The following MAJIN variants were observed in gnomAD, a reference collection of about 807,000 sequenced individuals.
MAJIN encodes membrane anchored junction protein.
Under a neutral mutation model 30.2 loss-of-function variants are expected in MAJIN, and 27 were observed. The ratio of observed to expected loss-of-function variants is 0.89; its 90% CI spans 0.66 to 1.23. MAJIN has a LOEUF of 1.23. Among genes scored for constraint, MAJIN ranks in the 50% most tolerant of loss-of-function variants. MAJIN has a pLI of 0.00. For synonymous variants in MAJIN, 78 were observed against 91.6 expected, an observed-to-expected ratio of 0.85 and a Z score of 0.85; for missense variants, 253 against 260.3, an observed-to-expected ratio of 0.97 and a Z score of 0.19.
At chr11:64,970,469 C>T (rs1478000648) in intron 1 of MAJIN, among the ~76,000 whole-genome samples, 6 of 137,414 alleles carry the variant, frequency 4.4e-5, no homozygotes, top group East Asian at 2.2e-4. Context: ...TGGGTTCAAG[C>T]GATTCTCCTG....
At chr11:64,949,431 G>A (rs1441812456) in intron 6 of MAJIN, among the ~76,000 whole-genome samples, 1 of 152,168 alleles carries the variant, frequency 6.6e-6, no homozygotes, top group African/African-American at 2.4e-5. Flanking sequence ...CTTTCATTCA[G>A]TGATTAAGTC....
chr11:64,959,364 CCTCGTCT>C lies in MAJIN; in HGVS notation c.35_41del (p.Glu12GlyfsTer25), dbSNP rs749060692. The C allele has an allele frequency of 1.9e-6, 3 of 1,613,936 alleles. No homozygotes were observed. The African/African-American group carries it at 4.0e-5, about 22-fold the overall frequency. Reference sequence around the variant, plus strand: ...ACACATTGGGTCCTGCATGAAGAAACCTCGTCTCTGGAAACGGGTAGGTAAAGGGTTT... The same window carrying C: ...ACACATTGGGTCCTGCATGAAGAAACCTGGAAACGGGTAGGTAAAGGGTTT... On this transcript the variant is annotated frameshift_variant, in exon 3 of 11. Transcript: ENST00000301896. LOFTEE classifies it high-confidence loss of function.
intron 8 of MAJIN, among the ~76,000 whole-genome samples, chr11:64,942,642 C>T (rs923170526): frequency 3.3e-5 from 5 of 152,164 alleles, no homozygotes; most frequent in African/African-American, 4.8e-5. Flanking sequence ...TGGCAGATAT[C>T]TCTGAACTAA....
rs780051900 is a variant in MAJIN at position 64,954,820 on chromosome 11, AAG to A, written c.102-20_102-19del. The A allele has an allele frequency of 6.3e-7, 1 of 1,598,040 alleles. No homozygotes were observed. The highest frequency in any genetic ancestry group is 8.5e-7 in the Non-Finnish European group (1 of 1,172,934). The stretch of plus-strand genomic sequence containing the variant: ...CTTCTCCTCTAGAAGGTAAACAGAC[AAG>A]AGACAAGTAAGACATGAAGGAAAGC... On this transcript the variant is annotated intron_variant, in intron 3 of 10. Coordinates refer to ENST00000301896, the MANE Select transcript of MAJIN (RefSeq NM_001037225.3).
At chr11:64,940,440 C>A in intron 9 of MAJIN, 134 bp downstream of exon 9, 1 of 814,992 alleles carries the variant, frequency 1.2e-6, no homozygotes, top group Non-Finnish European at 2.0e-6. Flanking sequence ...GGCTAACAAG[C>A]ACCTCCACGG....
At chr11:64,969,108 T>C (rs538179999) in intron 1 of MAJIN, among the ~76,000 whole-genome samples, 19 of 152,172 alleles carry the variant, frequency 1.2e-4, no homozygotes, top group Non-Finnish European at 2.2e-4. Context: ...TGCAATTAGG[T>C]AGACAATGGT....
intron 8 of MAJIN, among the ~76,000 whole-genome samples, chr11:64,943,193 T>C (rs1164037711): frequency 2.0e-5 from 3 of 152,180 alleles, no homozygotes; most frequent in Non-Finnish European, 4.4e-5. Context: ...TTCGAACAGA[T>C]ATAGCAAAAC....
In MAJIN at chr11:64,956,978, A is replaced by G. The variant is rs182253890; in HGVS notation, c.102-2176T>C. On this transcript the variant is annotated intron_variant, in intron 3 of 10. Transcript: ENST00000301896. ...GATGGGGTTTCACCATGTTGGCCAG[A>G]CTGGTCTCAAACTCCTGACCTCAGA... Among the ~76,000 whole-genome samples the G allele has an allele frequency of 5.3e-5, 8 of 151,932 alleles. No individual in the cohort carries two copies. In the East Asian group the frequency reaches 1.6e-3, roughly 30 times the overall value.
rs375043244 is a variant in MAJIN, at chr11:64,961,047, AG to A, written c.-64-913del. On this transcript the variant is annotated intron_variant, in intron 1 of 10. Transcript: ENST00000301896. ...CAAAGGCATGGCAGGAACCCAGGCT[AG>A]TTTTGATGTTTTAGTGCTAGATGAC... Among the ~76,000 whole-genome samples, 589 of 152,338 alleles carry A rather than the reference AG, an allele frequency of 3.9e-3. 2 individuals carry two copies. The highest frequency in any genetic ancestry group is 0.014 in the African/African-American group (565 of 41,578).
At chr11:64,960,888 G>A (rs935013613) in intron 1 of MAJIN, among the ~76,000 whole-genome samples, 2 of 152,190 alleles carry the variant, frequency 1.3e-5, no homozygotes, top group African/African-American at 4.8e-5. Context: ...AGAATGACAT[G>A]AGTGGAGCCA....
chr11:64,947,901 C>T, intron 6 of MAJIN, 82 bp from the exon 7 acceptor site: 1 of 1,333,598 alleles, frequency 7.5e-7, no homozygotes, highest in African/African-American at 1.5e-5. Flanking sequence ...TCTCTGTCAC[C>T]CAGACTGGAG....
At chr11:64,958,598 GA>G (rs202169389) in intron 3 of MAJIN, among the ~76,000 whole-genome samples, 3,853 of 102,528 alleles carry the variant, frequency 0.038, 164 homozygotes, top group African/African-American at 0.13. Flanking sequence ...TGTCTTGGGA[GA>G]AAAAAAAAAA....
intron 1 of MAJIN, among the ~76,000 whole-genome samples, chr11:64,965,528 A>C (rs1042980809): frequency 3.3e-5 from 5 of 152,132 alleles, no homozygotes; most frequent in Admixed American, 3.3e-4. Context: ...AACCATCCTA[A>C]GAGCTAATGA....
chr11:64,962,475 T>G (rs372010684), intron 1 of MAJIN, among the ~76,000 whole-genome samples: 64 of 152,344 alleles, frequency 4.2e-4, no homozygotes, highest in African/African-American at 1.5e-3. Flanking sequence ...GATGAGATCT[T>G]GCTTATGAAG....
intron 3 of MAJIN, among the ~76,000 whole-genome samples, chr11:64,958,873 C>A (rs1314880885): frequency 6.6e-6 from 1 of 152,028 alleles, no homozygotes; most frequent in Non-Finnish European, 1.5e-5. Context: ...GATCCATCCA[C>A]CTTGGCCTCC....
intron 3 of MAJIN, among the ~76,000 whole-genome samples, chr11:64,958,623 A>G (rs1458688125): frequency 1.0e-4 from 15 of 150,356 alleles, no homozygotes; most frequent in African/African-American, 3.2e-4. Flanking sequence ...AAAAAGAAAG[A>G]AAAATTGCAA....
At chr11:64,967,933 A>C (rs1384962345) in intron 1 of MAJIN, among the ~76,000 whole-genome samples, 3 of 152,216 alleles carry the variant, frequency 2.0e-5, no homozygotes, top group African/African-American at 7.2e-5. Flanking sequence ...GATGACTAGA[A>C]GGCTGCTTTA....
intron 1 of MAJIN, among the ~76,000 whole-genome samples, chr11:64,970,470 G>A (rs867676146): frequency 3.1e-4 from 44 of 141,034 alleles, no homozygotes; most frequent in South Asian, 7.3e-4. Flanking sequence ...GGGTTCAAGC[G>A]ATTCTCCTGC....
chr11:64,950,079 C>T (rs539290836), intron 5 of MAJIN, among the ~76,000 whole-genome samples: 1 of 152,206 alleles, frequency 6.6e-6, no homozygotes, highest in South Asian at 2.1e-4. Context: ...GCTGTAATCC[C>T]AGCACTTTGG....
Sources: gnomAD v4.1 joint callset for allele counts (sites outside exome capture counted in the v4.1 genomes callset) on GRCh38, gnomAD v4.1.1 for gene constraint, MANE v1.5 for transcripts, NCBI Gene and HGNC (gene_info 2026-07-23, HGNC 2026-07-21) for gene names.